TNS1: variants seen among roughly 807,000 people sequenced by gnomAD.
The protein encoded by TNS1 is tensin 1, also known as tensin-1.
TNS1 carries 62 observed loss-of-function variants against 168.6 expected under a neutral mutation model. The observed-to-expected ratio is 0.37, with a 90% CI of 0.30 to 0.45. The LOEUF is 0.45. TNS1 is among the 20% of genes least tolerant of loss of function. The probability of loss-of-function intolerance (pLI) is 1.00; values close to 1 mark genes in which losing one functional copy is unlikely to be tolerated. For synonymous variants in TNS1, 934 were observed against 933.2 expected (o/e 1.00, Z -0.02); for missense variants, 2,240 against 2,339.4 (o/e 0.96, Z 0.88).
At chr2:218,007,567 G>T (rs1269839156), upstream of TNS1, among the ~76,000 whole-genome samples, 9 of 7,462 alleles carry the variant, frequency 1.2e-3, no homozygotes, top group Non-Finnish European at 7.7e-3. Context: ...CTCGGGGGGT[G>T]GGGGGGGGGG....
intron 18 of TNS1, among the ~76,000 whole-genome samples, chr2:217,853,034 CTCCTCCCACCAGAGACAAGACAAAAG>C (rs1201005383): frequency 6.6e-6 from 1 of 152,110 alleles, no homozygotes; most frequent in Non-Finnish European, 1.5e-5. Context: ...CGTGCCCCTC[CTCCTCCCACCAGAGACAAGACAAAAG>C]TCCCCCAGCC....
At position 217,895,075 on chromosome 2, in the gene TNS1, A is replaced by G. The variant is rs1952142200; in HGVS notation, c.544-19T>C. 6.2e-7 allele frequency: 1 copy of G among 1,605,690 alleles called. No individual in the cohort carries two copies. The highest frequency in any genetic ancestry group is 1.3e-5 in the African/African-American group (1 of 74,874). On this transcript the variant is annotated intron_variant, in intron 8 of 32. Transcript: ENST00000682258. ...TGAACAGCTAGAAGGAGCAAAAGGA[A>G]GAGAGCATGAGGAGGTGAGGGTGAG...
intron 1 of TNS1, among the ~76,000 whole-genome samples, chr2:218,008,330 A>G (rs1958678058): frequency 6.6e-6 from 1 of 152,194 alleles, no homozygotes; most frequent in Non-Finnish European, 1.5e-5. Flanking sequence ...CGCCAGCTCA[A>G]ATCCTGGCCC....
intron 24 of TNS1, among the ~76,000 whole-genome samples, 163 bp downstream of exon 24, chr2:217,817,527 T>G (rs1306734304): frequency 6.6e-6 from 1 of 152,192 alleles, no homozygotes; most frequent in African/African-American, 2.4e-5. Flanking sequence ...TAAGGATACC[T>G]CCAACTCTCT....
chr2:217,935,155 C>T (rs930236865), intron 3 of TNS1, among the ~76,000 whole-genome samples: 1 of 152,138 alleles, frequency 6.6e-6, no homozygotes, highest in Non-Finnish European at 1.5e-5. Flanking sequence ...GTGCTGAAGA[C>T]GGGAGATCTG....
chr2:217,807,423 A>G (rs1939357018), intron 32 of TNS1, among the ~76,000 whole-genome samples: 1 of 152,232 alleles, frequency 6.6e-6, no homozygotes, highest in African/African-American at 2.4e-5. Context: ...TACATCAGGT[A>G]CAATCCAAGG....
chr2:217,813,385 C>T lies in TNS1; in HGVS notation c.4862-78G>A. 1 of 1,256,334 alleles carries T rather than the reference C, an allele frequency of 8.0e-7. No homozygotes were observed. The highest frequency in any genetic ancestry group is 1.1e-6 in the Non-Finnish European group (1 of 878,504). The allele number at this position is 1,256,334 out of a possible 1,614,324, so 77.8% of individuals were successfully genotyped here. On this transcript the variant is annotated intron_variant, in intron 26 of 32. Transcript: ENST00000682258. The surrounding 1 kb of genome is among the most constrained non-coding windows in gnomAD (Gnocchi z 4.0). ...ACCACCTCCCAAGACTGCTTCAAAA[C>T]TTCCGCAGTGTGCGGGGCCAAGATG...
intron 24 of TNS1, among the ~76,000 whole-genome samples, chr2:217,817,105 T>G (rs1288353195): frequency 6.6e-6 from 1 of 152,172 alleles, no homozygotes; most frequent in East Asian, 1.9e-4. Context: ...GATCCAGGTT[T>G]GGAAGGCAGG....
At chr2:218,010,606 C>A (rs1958697548), upstream of TNS1, among the ~76,000 whole-genome samples, 1 of 151,588 alleles carries the variant, frequency 6.6e-6, no homozygotes, top group Admixed American at 6.6e-5. Context: ...GCGGGGGAGG[C>A]GGGAGGGGAG....
At chr2:217,909,571 C>CCACACACACACA (rs3054350) in intron 4 of TNS1, among the ~76,000 whole-genome samples, 2,008 of 147,270 alleles carry the variant, frequency 0.014, 57 homozygotes, top group African/African-American at 0.046. Flanking sequence ...GCCTGGGTGC[C>CCACACACACACA]CACACACACA....
rs1008905756 is a variant in TNS1 at position 217,925,949 on chromosome 2, C to G, written c.187-5713G>C. On this transcript the variant is annotated intron_variant, in intron 3 of 32. Coordinates refer to ENST00000682258, the MANE Select transcript of TNS1 (RefSeq NM_001387777.1). ...TGTTAGAGGCTGAATTCTATGTCCT[C>G]CTTCATATATTAAAGTCCTAACCCT... Among the ~76,000 whole-genome samples the G allele has an allele frequency of 3.9e-5, 6 of 152,296 alleles. No homozygotes were observed. The East Asian group carries it at 1.2e-3, about 29-fold the overall frequency.
chr2:217,872,043 C>G (rs1163283233), intron 18 of TNS1, among the ~76,000 whole-genome samples: 1 of 152,266 alleles, frequency 6.6e-6, no homozygotes, highest in Non-Finnish European at 1.5e-5. Flanking sequence ...CACCATTTAT[C>G]CAGAAGACTT....
intron 6 of TNS1, among the ~76,000 whole-genome samples, chr2:217,901,055 G>A (rs1193671160): frequency 1.3e-5 from 2 of 152,132 alleles, no homozygotes; most frequent in Non-Finnish European, 1.5e-5. Flanking sequence ...AAGACAGTGA[G>A]CCATGCTCCT....
intron 23 of TNS1, among the ~76,000 whole-genome samples, chr2:217,820,666 GTCC>G (rs1366739797): frequency 6.6e-6 from 1 of 152,066 alleles, no homozygotes; most frequent in Admixed American, 6.5e-5. Context: ...CACCTCCTAG[GTCC>G]TCCTCCTTTG....
chr2:217,968,283 T>C (rs1442427560), intron 3 of TNS1, among the ~76,000 whole-genome samples: 2 of 152,166 alleles, frequency 1.3e-5, no homozygotes, highest in Admixed American at 6.5e-5. Context: ...TGTATTGAAG[T>C]TTCCAGTCAG....
intron 3 of TNS1, among the ~76,000 whole-genome samples, chr2:217,975,502 C>T (rs1177517222): frequency 6.6e-6 from 1 of 152,124 alleles, no homozygotes; most frequent in African/African-American, 2.4e-5. Flanking sequence ...GAACCAGCCA[C>T]TTACCAGAGG....
chr2:217,833,311 T>A (rs918011151), intron 21 of TNS1, among the ~76,000 whole-genome samples: 1 of 152,216 alleles, frequency 6.6e-6, no homozygotes, highest in Non-Finnish European at 1.5e-5. Flanking sequence ...TCCTGGGCAA[T>A]TGGGCCCTTC....
chr2:217,845,937 A>T (rs570844685), intron 19 of TNS1, among the ~76,000 whole-genome samples: 1 of 152,252 alleles, frequency 6.6e-6, no homozygotes, highest in East Asian at 1.9e-4. Context: ...CACCACTCCA[A>T]CCTTGCAAAA....
intron 18 of TNS1, among the ~76,000 whole-genome samples, chr2:217,876,976 G>C (rs1024788567): frequency 6.6e-6 from 1 of 152,164 alleles, no homozygotes; most frequent in African/African-American, 2.4e-5. Flanking sequence ...CTTCAGGCAT[G>C]GGATTCACCA....
Sources: gnomAD v4.1 joint callset for allele counts (sites outside exome capture counted in the v4.1 genomes callset) on GRCh38, gnomAD v4.1.1 for gene constraint, Gnocchi (gnomAD v3.1) non-coding constraint, MANE v1.5 for transcripts, NCBI Gene and HGNC (gene_info 2026-07-23, HGNC 2026-07-21) for gene names.